APBB2: variants seen among roughly 807,000 people sequenced by gnomAD.
APBB2 encodes amyloid beta precursor protein binding family B member 2, also known as Fe65-like 1.
APBB2 carries 38 observed loss-of-function variants against 82.5 expected under a neutral mutation model. The observed-to-expected ratio is 0.46, with a 90% confidence interval of 0.36 to 0.60. The LOEUF (loss-of-function observed/expected upper bound fraction) is 0.60, where lower values mean the gene tolerates loss of function less well. Ranked by LOEUF, APBB2 falls within the 20% of genes least tolerant of loss-of-function variation. APBB2 has a pLI of 0.00. For synonymous variants in APBB2, 341 were observed against 368.2 expected (o/e 0.93, Z 0.85); for missense variants, 772 against 972.3 (o/e 0.79, Z 2.74).
At chr4:41,169,865 T>G (rs1414190647) in intron 1 of APBB2, among the ~76,000 whole-genome samples, 2 of 152,248 alleles carry the variant, frequency 1.3e-5, no homozygotes, top group African/African-American at 4.8e-5. Context: ...AGGTTTTTTT[T>G]TTTAAGAAGA....
chr4:40,864,390 G>A (rs1009167922), intron 12 of APBB2, among the ~76,000 whole-genome samples: 7 of 152,096 alleles, frequency 4.6e-5, no homozygotes, highest in African/African-American at 1.7e-4. Context: ...CACAGCAGAC[G>A]CTTAGCTTGC....
intron 10 of APBB2, among the ~76,000 whole-genome samples, chr4:40,922,355 C>T (rs1781473927): frequency 6.6e-6 from 1 of 152,138 alleles, no homozygotes; most frequent in African/African-American, 2.4e-5. Context: ...ACATACATGC[C>T]GAGTGAACAG....
chr4:41,211,317 T>C (rs1779260686), intron 1 of APBB2, among the ~76,000 whole-genome samples: 1 of 152,066 alleles, frequency 6.6e-6, no homozygotes, highest in South Asian at 2.1e-4. Context: ...TAACCCCATG[T>C]AGGAAAATAA....
chr4:41,078,794 G>C (rs537258861), intron 3 of APBB2, among the ~76,000 whole-genome samples: 3 of 152,198 alleles, frequency 2.0e-5, no homozygotes, highest in East Asian at 1.9e-4. Context: ...TCCTTATGTC[G>C]GGAGAAGGAC....
intron 3 of APBB2, among the ~76,000 whole-genome samples, chr4:41,086,986 T>A (rs921261174): frequency 6.6e-6 from 1 of 150,676 alleles, no homozygotes; most frequent in Non-Finnish European, 1.5e-5. Context: ...GTCAAATAAA[T>A]GGAAAAGGCT....
chr4:41,027,740 C>T (rs1715031965), intron 5 of APBB2, among the ~76,000 whole-genome samples: 1 of 144,826 alleles, frequency 6.9e-6, no homozygotes, highest in Non-Finnish European at 1.5e-5. Flanking sequence ...AAGAACACAG[C>T]AGTGAACAAA....
At chr4:41,117,979 G>A (rs1751593794) in intron 2 of APBB2, 1 of 152,072 alleles carries the variant, frequency 6.6e-6, no homozygotes, top group Admixed American at 6.6e-5. Context: ...AGCTAAGTGG[G>A]GAGAGACTCA....
At chr4:40,920,589 G>A (rs564791077) in intron 10 of APBB2, among the ~76,000 whole-genome samples, 7 of 152,280 alleles carry the variant, frequency 4.6e-5, no homozygotes, top group South Asian at 2.1e-4. Flanking sequence ...GGGCAGGGCC[G>A]GGCTGGACGC....
chr4:41,036,118 ATT>A (rs1464446909), intron 4 of APBB2, among the ~76,000 whole-genome samples: 9 of 152,202 alleles, frequency 5.9e-5, no homozygotes, highest in African/African-American at 2.2e-4. Context: ...TGATTGCACC[ATT>A]GCATTCCAGC....
chr4:41,080,283 C>A (rs967746411), intron 3 of APBB2, among the ~76,000 whole-genome samples: 1 of 152,224 alleles, frequency 6.6e-6, no homozygotes, highest in Non-Finnish European at 1.5e-5. Flanking sequence ...GCATATGCCT[C>A]AGGCTAACCA....
At chr4:41,149,866 A>G (rs1761787074) in intron 1 of APBB2, among the ~76,000 whole-genome samples, 1 of 151,932 alleles carries the variant, frequency 6.6e-6, no homozygotes, top group Non-Finnish European at 1.5e-5. Context: ...TCCCCTGCAC[A>G]CACACTCTTT....
intron 3 of APBB2, among the ~76,000 whole-genome samples, chr4:41,073,587 G>A (rs1345513506): frequency 6.6e-6 from 1 of 152,166 alleles, no homozygotes; most frequent in Non-Finnish European, 1.5e-5. Flanking sequence ...ACTTGGCAGA[G>A]CTGTCCAAAG....
intron 1 of APBB2, among the ~76,000 whole-genome samples, chr4:41,155,791 G>T (rs1423882256): frequency 6.6e-6 from 1 of 152,172 alleles, no homozygotes; most frequent in East Asian, 1.9e-4. Context: ...CCAATCAACA[G>T]GTGAAATCAA....
At chr4:40,827,077 T>C in intron 14 of APBB2, 55 bp downstream of exon 14, 2 of 1,511,968 alleles carry the variant, frequency 1.3e-6, no homozygotes, top group Non-Finnish European at 1.8e-6. Context: ...GAGCCTTCAG[T>C]CCTGGACCAG....
At chr4:41,119,522 TAAAA>T (rs35952366) in intron 2 of APBB2, among the ~76,000 whole-genome samples, 1 of 118,058 alleles carries the variant, frequency 8.5e-6, no homozygotes, top group African/African-American at 3.2e-5. Context: ...GAAGTTCCAT[TAAAA>T]AAAAAAAAAA....
At chr4:41,187,672 A>G (rs193253791) in intron 1 of APBB2, among the ~76,000 whole-genome samples, 124 of 152,366 alleles carry the variant, frequency 8.1e-4, no homozygotes, top group African/African-American at 2.9e-3. Flanking sequence ...ACATTTATGT[A>G]CACACATACA....
chr4:41,174,762 T>A (rs546776474), intron 1 of APBB2, among the ~76,000 whole-genome samples: 1 of 152,260 alleles, frequency 6.6e-6, no homozygotes, highest in South Asian at 2.1e-4. Flanking sequence ...CATATGATAG[T>A]TTAAGGTTAG....
At chr4:40,879,986 C>G in intron 12 of APBB2, 3 of 984,518 alleles carry the variant, frequency 3.0e-6, no homozygotes, top group Non-Finnish European at 3.6e-6. Context: ...GCCACTGCAC[C>G]CAGCAGACCC....
intron 12 of APBB2, among the ~76,000 whole-genome samples, chr4:40,889,938 G>A (rs1402361851): frequency 1.3e-5 from 2 of 152,128 alleles, no homozygotes; most frequent in East Asian, 1.9e-4. Flanking sequence ...GCTGTACAAC[G>A]TCCCCCTCAA....
Sources: gnomAD v4.1 joint callset for allele counts (sites outside exome capture counted in the v4.1 genomes callset) on GRCh38, gnomAD v4.1.1 for gene constraint, MANE v1.5 for transcripts, NCBI Gene and HGNC (gene_info 2026-07-23, HGNC 2026-07-21) for gene names.